SKI: variants seen among roughly 807,000 people sequenced by gnomAD.
SKI encodes SKI proto-oncogene.
In SKI, 23 loss-of-function variants were observed where a neutral mutation model predicts 59.3. The ratio of observed to expected loss-of-function variants is 0.39; its 90% CI spans 0.28 to 0.55. The LOEUF is 0.55. Among genes scored for constraint, SKI ranks in the 20% least tolerant of loss-of-function variants. The pLI is 0.67. For synonymous variants in SKI, 673 were observed against 488.6 expected (o/e 1.38, Z -4.98); for missense variants, 1,017 against 1,038.9 (o/e 0.98, Z 0.29).
rs186485725 is a variant in SKI at position 2,253,122 on chromosome 1, A to C, written c.969+23387A>C. On this transcript the variant is annotated intron_variant, in intron 1 of 6. Transcript: ENST00000378536. ...AAAAAAAAAAAAAAATAGAGTTGCT[A>C]AATTGGAGTAAATATTTCATAACGC... Among the ~76,000 whole-genome samples the C allele has an allele frequency of 1.6e-3, 245 of 151,984 alleles. 1 individual carries two copies. Among genetic ancestry groups the C allele is most frequent in the Non-Finnish European group, 1.1e-3 (74 of 67,964 alleles).
intron 1 of SKI, among the ~76,000 whole-genome samples, chr1:2,300,466 G>A (rs1557848926): frequency 6.6e-6 from 1 of 152,202 alleles, no homozygotes; most frequent in Non-Finnish European, 1.5e-5. Flanking sequence ...TCTGTCACTG[G>A]GTGTGGTTTT....
intron 1 of SKI, among the ~76,000 whole-genome samples, chr1:2,260,257 G>A (rs1011529939): frequency 2.0e-5 from 3 of 152,158 alleles, no homozygotes; most frequent in African/African-American, 7.2e-5. Flanking sequence ...TTCCCCAATC[G>A]TTGAGAACGT....
rs890266741 is a variant in SKI at position 2,228,415 on chromosome 1, A to AGCGTTG, written c.-336_-331dup. 3.7e-5 allele frequency among the ~76,000 whole-genome samples: 5 copies of AGCGTTG among 135,832 alleles called. No individual in the cohort carries two copies. The highest frequency in any genetic ancestry group is 8.0e-5 in the African/African-American group (3 of 37,614). The allele number at this position is 135,832 out of a possible 152,430, so 89.1% of individuals were successfully genotyped here. The stretch of plus-strand genomic sequence containing the variant: ...GCCCCCCGCGAGCCCCGGGCCCGCG[A>AGCGTTG]GCGTTGGCGTTGGCGTTGGCGGCGC... On this transcript the variant is annotated 5_prime_UTR_variant, in exon 1 of 7. Transcript: ENST00000378536.
chr1:2,262,130 A>T (rs1639400853), intron 1 of SKI, among the ~76,000 whole-genome samples: 1 of 138,268 alleles, frequency 7.2e-6, no homozygotes, highest in African/African-American at 2.8e-5. Context: ...GAAGGCGTGG[A>T]ATCAGAGTTT....
intron 6 of SKI, 107 bp from the exon 7 acceptor site, chr1:2,306,470 C>T: frequency 1.6e-6 from 2 of 1,219,530 alleles, no homozygotes; most frequent in East Asian, 2.6e-5. Context: ...CGGCACGCGG[C>T]ACTGGGGAGG....
At position 2,268,302 on chromosome 1, in the gene SKI, G is replaced by T. The variant is rs143545124; in HGVS notation, c.970-34676G>T. 3.9e-5 allele frequency among the ~76,000 whole-genome samples: 6 copies of T among 152,298 alleles called. No homozygotes were observed. The East Asian group carries it at 5.8e-4, about 15-fold the overall frequency. On this transcript the variant is annotated intron_variant, in intron 1 of 6. Transcript: ENST00000378536. The surrounding 1 kb of genome is among the most constrained non-coding windows in gnomAD (Gnocchi z 5.0). ...GCTGTGTAGCCAGGTGTCTCAGAGG[G>T]CTCAGGGCTCCTGGTAGGGTTTGGG...
chr1:2,230,070 C>T (rs1638598469), intron 1 of SKI, among the ~76,000 whole-genome samples: 1 of 152,232 alleles, frequency 6.6e-6, no homozygotes, highest in Admixed American at 6.5e-5. Flanking sequence ...GAGAAAGCGG[C>T]CTGCCCCAGG....
chr1:2,264,778 T>C (rs1386212145), intron 1 of SKI, among the ~76,000 whole-genome samples: 1 of 152,010 alleles, frequency 6.6e-6, no homozygotes, highest in African/African-American at 2.4e-5. Context: ...CTGCTCATCC[T>C]CTTCTTGACG....
At chr1:2,283,185 C>T (rs890388486) in intron 1 of SKI, among the ~76,000 whole-genome samples, 5 of 152,216 alleles carry the variant, frequency 3.3e-5, no homozygotes, top group East Asian at 1.9e-4. Flanking sequence ...GGCTGGGTTC[C>T]GAGGGTGCCG....
intron 1 of SKI, among the ~76,000 whole-genome samples, chr1:2,296,965 C>G (rs1640301839): frequency 2.0e-5 from 3 of 152,104 alleles, no homozygotes; most frequent in Middle Eastern, 3.2e-3. Flanking sequence ...CGTGCTGTTC[C>G]CACAAGGCCC....
rs891723159 is a variant in SKI, at chr1:2,280,205, T to TA, written c.970-22760dup. Among the ~76,000 whole-genome samples, 217 of 136,190 alleles carry TA rather than the reference T, an allele frequency of 1.6e-3. 1 individual carries two copies. Among genetic ancestry groups the TA allele is most frequent in the East Asian group, 0.013 (67 of 4,966 alleles). The allele number at this position is 136,190 out of a possible 152,430, so 89.3% of individuals were successfully genotyped here. On this transcript the variant is annotated intron_variant, in intron 1 of 6. Coordinates refer to ENST00000378536, the MANE Select transcript of SKI (RefSeq NM_003036.4). ...TGATATGGTGAAACCACGTATCTAC[T>TA]AAAAAAAAAAAAATACAAAAATTAG...
Position 2,229,235 on chromosome 1 carries a change from C to A in SKI, c.469C>A (p.Gln157Lys). The A allele has an allele frequency of 6.2e-7, 1 of 1,605,934 alleles. No homozygotes were observed. The highest frequency in any genetic ancestry group is 1.1e-5 in the South Asian group (1 of 90,104). Residue 157 changes from glutamine to lysine, a missense_variant, in exon 1 of 7, where the codon CAG becomes AAG. Gln to Lys is a moderately conservative substitution (Grantham distance 53). Coordinates refer to ENST00000378536, the MANE Select transcript of SKI (RefSeq NM_003036.4). The surrounding 1 kb of genome is among the most constrained non-coding windows in gnomAD (Gnocchi z 6.3). ...CTACTGCTCGCGCTGCACGGCCGAC[C>A]AGCTGGAGATCCTCAAAGTCATGGG... ...HIYCSRCTAD[Q>K]LEILKVMGIL...
intron 1 of SKI, among the ~76,000 whole-genome samples, chr1:2,257,439 C>T (rs1397496708): frequency 2.6e-5 from 4 of 152,258 alleles, no homozygotes; most frequent in African/African-American, 7.2e-5. Flanking sequence ...CCCATGGTGG[C>T]GCTTTGGTGC....
intron 1 of SKI, among the ~76,000 whole-genome samples, chr1:2,237,767 T>C (rs1638783354): frequency 6.6e-6 from 1 of 152,260 alleles, no homozygotes; most frequent in African/African-American, 2.4e-5. Context: ...CTTGCCCTGT[T>C]GAGGGAACGT....
chr1:2,277,942 C>T (rs751012903), intron 1 of SKI, among the ~76,000 whole-genome samples: 4 of 151,854 alleles, frequency 2.6e-5, no homozygotes, highest in Admixed American at 1.3e-4. Context: ...CACACATGCA[C>T]CAGCACCCGT....
In SKI at chr1:2,300,711, TC is replaced by T. The variant is rs1294502159; in HGVS notation, c.970-2266del. Among the ~76,000 whole-genome samples the T allele has an allele frequency of 2.6e-5, 4 of 152,134 alleles. No individual in the cohort carries two copies. In the East Asian group the frequency reaches 7.8e-4, roughly 29 times the overall value. ...GAGAGCCCGCCCTGAGAGCCGGGAG[TC>T]GCCTGATGAGGGGTCGGCAGGGGTC... On this transcript the variant is annotated intron_variant, in intron 1 of 6. Coordinates refer to ENST00000378536, the MANE Select transcript of SKI (RefSeq NM_003036.4).
rs11580302 is a variant in SKI at position 2,305,809 on chromosome 1, A to G, written c.1768-211A>G. Among the ~76,000 whole-genome samples, 31,949 of 152,172 alleles carry G rather than the reference A, an allele frequency of 0.21. 3,442 individuals carry two copies. The highest frequency in any genetic ancestry group is 0.31 in the Middle Eastern group (92 of 294). ...GGCCCCCAGGTTTAGCACAGCTGCC[A>G]CAGGCCTGGCGGAAACTCCGGATGG... On this transcript the variant is annotated intron_variant, in intron 5 of 6. Transcript: ENST00000378536.
intron 1 of SKI, among the ~76,000 whole-genome samples, chr1:2,265,231 G>A (rs1005451900): frequency 1.3e-5 from 2 of 152,214 alleles, no homozygotes; most frequent in African/African-American, 4.8e-5. Context: ...TGGAAGGTGT[G>A]TCTCCTGCGT....
Position 2,232,287 on chromosome 1 carries a change from C to T in SKI, c.969+2552C>T, listed in dbSNP as rs190534584. On this transcript the variant is annotated intron_variant, in intron 1 of 6. Coordinates refer to ENST00000378536, the MANE Select transcript of SKI (RefSeq NM_003036.4). ...GCTCCCAGCAGGCCTTCGGGCTCTG[C>T]GGAGCCGGAGGGGGCTGAATTGCCT... Among the ~76,000 whole-genome samples, 8 of 152,314 alleles carry T rather than the reference C, an allele frequency of 5.3e-5. No homozygotes were observed. The East Asian group carries it at 9.7e-4, about 18-fold the overall frequency.
Sources: allele counts gnomAD v4.1 joint callset (sites outside exome capture counted in the v4.1 genomes callset), GRCh38; gene constraint gnomAD v4.1.1; non-coding constraint Gnocchi (gnomAD v3.1); transcripts MANE v1.5; gene names NCBI Gene and HGNC (gene_info 2026-07-23, HGNC 2026-07-21).